The following HS3ST4 variants were observed in gnomAD, a reference collection of about 807,000 sequenced individuals.
HS3ST4 encodes the protein heparan sulfate glucosamine 3-O-sulfotransferase 4.
In HS3ST4, 17 loss-of-function variants were observed where a neutral mutation model predicts 29.2. That is an observed-to-expected ratio of 0.58 (90% confidence interval 0.40 to 0.87). The LOEUF is 0.87. Among genes scored for constraint, HS3ST4 ranks in the 40% least tolerant of loss-of-function variants. The pLI, the probability that HS3ST4 is intolerant of heterozygous loss-of-function variation, is 0.00. For synonymous variants in HS3ST4, 314 were observed against 285.7 expected, an observed-to-expected ratio of 1.10 and a Z score of -1.00; for missense variants, 627 against 634.5, an observed-to-expected ratio of 0.99 and a Z score of 0.13.
chr16:25,975,292 G>T (rs1237213874), intron 1 of HS3ST4, among the ~76,000 whole-genome samples: 1 of 151,848 alleles, frequency 6.6e-6, no homozygotes, highest in East Asian at 1.9e-4. Context: ...GCCTATTAGA[G>T]GGGGAAGGGA....
chr16:25,813,357 G>A (rs1460461216), intron 1 of HS3ST4, among the ~76,000 whole-genome samples: 1 of 152,166 alleles, frequency 6.6e-6, no homozygotes. Context: ...GGGTGCGGTG[G>A]CTCACACTTG....
chr16:25,832,086 G>A (rs556922362), intron 1 of HS3ST4, among the ~76,000 whole-genome samples: 3 of 152,214 alleles, frequency 2.0e-5, no homozygotes, highest in Non-Finnish European at 4.4e-5. Context: ...CAGCCTGGGT[G>A]ACAGAGTGAG....
intron 1 of HS3ST4, among the ~76,000 whole-genome samples, chr16:25,833,001 G>A (rs556741792): frequency 1.3e-5 from 2 of 152,294 alleles, no homozygotes; most frequent in East Asian, 1.9e-4. Context: ...CGCCAGCTGG[G>A]CATCTGATTC....
intron 1 of HS3ST4, among the ~76,000 whole-genome samples, chr16:25,902,447 C>A (rs542327962): frequency 6.6e-6 from 1 of 152,194 alleles, no homozygotes; most frequent in East Asian, 1.9e-4. Context: ...GTGATCATGA[C>A]TGCACTCCAG....
At position 26,137,465 on chromosome 16, in the gene HS3ST4, A is replaced by G. The variant is rs1898299399; in HGVS notation, c.*1217A>G. 6.6e-6 allele frequency: 1 copy of G among 152,166 alleles called. No individual in the cohort carries two copies. Among genetic ancestry groups the G allele is most frequent in the Non-Finnish European group, 1.5e-5 (1 of 68,008 alleles). 9.4% of individuals were successfully genotyped at this position (152,166 alleles called of 1,614,324 possible). A position where few individuals can be genotyped will look rare whatever the true frequency, so the allele number is the denominator to read the frequency against. Reference sequence around the variant, plus strand: ...AGGGCTGTCTGCAGAAACCCCCATCAAGAGCTGCTGAATGAAGTGTCCCTT... The same window carrying G: ...AGGGCTGTCTGCAGAAACCCCCATCGAGAGCTGCTGAATGAAGTGTCCCTT... On this transcript the variant is annotated 3_prime_UTR_variant, in exon 2 of 2. Coordinates refer to ENST00000331351, the MANE Select transcript of HS3ST4 (RefSeq NM_006040.3).
At chr16:25,776,574 G>A (rs2141613178) in intron 1 of HS3ST4, among the ~76,000 whole-genome samples, 1 of 152,300 alleles carries the variant, frequency 6.6e-6, no homozygotes, top group South Asian at 2.1e-4. Context: ...CTGAGGCTGT[G>A]TCACGGGTGC....
At chr16:26,041,383 A>C (rs1281494164) in intron 1 of HS3ST4, among the ~76,000 whole-genome samples, 1 of 152,014 alleles carries the variant, frequency 6.6e-6, no homozygotes, top group Non-Finnish European at 1.5e-5. Context: ...AATTTTCAAA[A>C]TAGAATTACA....
chr16:25,792,361 G>C (rs1426075153), intron 1 of HS3ST4, among the ~76,000 whole-genome samples: 1 of 151,556 alleles, frequency 6.6e-6, no homozygotes, highest in Non-Finnish European at 1.5e-5. Context: ...GGAATGTTTC[G>C]TGAAAAACTG....
Position 26,034,741 on chromosome 16 carries a change from A to AT in HS3ST4, c.735-100869dup, listed in dbSNP as rs548775874. ...TTTGGTGTCTTCATAAGGAAAGCCT[A>AT]TTAAAAAAAAAACTGACGTGAGTTC... On this transcript the variant is annotated intron_variant, in intron 1 of 1. Transcript: ENST00000331351. 4.5e-3 allele frequency among the ~76,000 whole-genome samples: 687 copies of AT among 151,288 alleles called. 6 individuals are homozygous for AT. Among genetic ancestry groups the AT allele is most frequent in the African/African-American group, 0.016 (644 of 41,278 alleles).
intron 1 of HS3ST4, among the ~76,000 whole-genome samples, chr16:25,956,214 A>G (rs1183004312): frequency 1.3e-5 from 2 of 152,152 alleles, no homozygotes; most frequent in Non-Finnish European, 2.9e-5. Flanking sequence ...AACATGAAAC[A>G]TTGTTTGCCA....
chr16:25,919,607 C>T (rs1968327157), intron 1 of HS3ST4, among the ~76,000 whole-genome samples: 1 of 152,110 alleles, frequency 6.6e-6, no homozygotes, highest in African/African-American at 2.4e-5. Context: ...ATGTCCAGGC[C>T]TGAGCCATGG....
chr16:25,949,655 G>A (rs1968664116), intron 1 of HS3ST4, among the ~76,000 whole-genome samples: 1 of 152,090 alleles, frequency 6.6e-6, no homozygotes. Flanking sequence ...CAAGGTGAGG[G>A]GTCAGTGAAT....
At chr16:25,820,086 T>C (rs1967135124) in intron 1 of HS3ST4, among the ~76,000 whole-genome samples, 1 of 149,664 alleles carries the variant, frequency 6.7e-6, no homozygotes, top group South Asian at 2.1e-4. Context: ...TAAAGTATTT[T>C]CCTCCTCGTG....
intron 1 of HS3ST4, among the ~76,000 whole-genome samples, chr16:26,097,210 A>C (rs9745673): frequency 0.54 from 81,742 of 151,642 alleles, 22,739 homozygotes; most frequent in African/African-American, 0.67. Context: ...CAATGACTTT[A>C]TTCACAGAAT....
chr16:26,135,494 TA>T, intron 1 of HS3ST4, 117 bp from the exon 2 acceptor site: 3 of 980,662 alleles, frequency 3.1e-6, no homozygotes, highest in Non-Finnish European at 4.4e-6. Flanking sequence ...TGCAAGAGTT[TA>T]TCAATTTTAT....
At chr16:25,769,276 C>CTG (rs377352240) in intron 1 of HS3ST4, among the ~76,000 whole-genome samples, 1 of 151,890 alleles carries the variant, frequency 6.6e-6, no homozygotes, top group East Asian at 1.9e-4. Flanking sequence ...CAGTGTGTGT[C>CTG]TGTGTGTGTG....
intron 1 of HS3ST4, among the ~76,000 whole-genome samples, chr16:25,944,181 A>G (rs1968602657): frequency 6.6e-6 from 1 of 152,126 alleles, no homozygotes. Flanking sequence ...TTGTCCCACA[A>G]CCAAGAAGAA....
intron 1 of HS3ST4, among the ~76,000 whole-genome samples, chr16:25,956,255 A>G (rs1226632670): frequency 2.6e-5 from 4 of 152,208 alleles, no homozygotes; most frequent in African/African-American, 7.2e-5. Context: ...TTTCGTTCAT[A>G]TTGGTCCCTC....
chr16:25,693,189 G>T (rs972470693), intron 1 of HS3ST4, 38 bp downstream of exon 1: 13 of 1,510,254 alleles, frequency 8.6e-6, no homozygotes, highest in African/African-American at 2.8e-5. Flanking sequence ...GGAGACGCGT[G>T]GGGGAGACGC....
Sources: gnomAD v4.1 joint callset for allele counts (sites outside exome capture counted in the v4.1 genomes callset) on GRCh38, gnomAD v4.1.1 for gene constraint, MANE v1.5 for transcripts, NCBI Gene and HGNC (gene_info 2026-07-23, HGNC 2026-07-21) for gene names.